TSNAXIP1: variants seen among roughly 807,000 people sequenced by gnomAD.
The protein encoded by TSNAXIP1 is translin associated factor X interacting protein 1, also known as translin-associated factor X-interacting protein 1.
In TSNAXIP1, 89 loss-of-function variants were observed where a neutral mutation model predicts 84.8. The ratio of observed to expected loss-of-function variants is 1.05; its 90% CI spans 0.88 to 1.25. The LOEUF is 1.25. TSNAXIP1 is among the 50% of genes most tolerant of loss of function. The pLI, the probability that TSNAXIP1 is intolerant of heterozygous loss-of-function variation, is 0.00. For synonymous variants in TSNAXIP1, 347 were observed against 335.2 expected (o/e 1.04, Z -0.39); for missense variants, 874 against 887.6 (o/e 0.98, Z 0.20).
chr16:67,809,664 C>T (rs1318295961), intron 1 of TSNAXIP1, among the ~76,000 whole-genome samples: 1 of 151,780 alleles, frequency 6.6e-6, no homozygotes, highest in African/African-American at 2.4e-5. Flanking sequence ...ATAATACAGG[C>T]CGGGAGCAGT....
intron 1 of TSNAXIP1, among the ~76,000 whole-genome samples, chr16:67,814,004 C>T (rs1050522910): frequency 6.6e-6 from 1 of 152,188 alleles, no homozygotes; most frequent in Non-Finnish European, 1.5e-5. Flanking sequence ...ACCACAGCCA[C>T]AGTTGAACAC....
chr16:67,814,191 C>A (rs1467548708), intron 1 of TSNAXIP1, 111 bp from the exon 2 acceptor site: 3 of 854,536 alleles, frequency 3.5e-6, no homozygotes, highest in Non-Finnish European at 5.5e-6. Flanking sequence ...GAGGCAGCAC[C>A]CAGAGCCTGG....
At chr16:67,822,835 G>A (rs987223431) in intron 4 of TSNAXIP1, among the ~76,000 whole-genome samples, 18 of 152,278 alleles carry the variant, frequency 1.2e-4, no homozygotes, top group African/African-American at 4.1e-4. Context: ...GGCTGACTCT[G>A]GAGACTGTGC....
chr16:67,826,256 C>T lies in TSNAXIP1; in HGVS notation c.1249C>T (p.Arg417Trp), dbSNP rs201653034. ...LLEEIGSGLL[R>W]EKDFFPGLGY... is the part of the protein sequence containing the mutation. ...GGAAGAGATTGGTTCGGGGCTGCTGCGGGAGAAAGACTTCTTCCCTGGTCT... is the reference window on the plus strand; with the variant it reads ...GGAAGAGATTGGTTCGGGGCTGCTGTGGGAGAAAGACTTCTTCCCTGGTCT... Residue 417 changes from arginine (R) to tryptophan (W), a missense_variant, in exon 10 of 16, where the codon CGG becomes TGG. Transcript: ENST00000561639. 72 of 1,581,920 alleles carry T rather than the reference C, an allele frequency of 4.6e-5. No homozygotes were observed. The highest frequency in any genetic ancestry group is 3.5e-4 in the African/African-American group (26 of 74,140).
At chr16:67,819,455 G>C (rs2056855729) in intron 2 of TSNAXIP1, among the ~76,000 whole-genome samples, 1 of 151,678 alleles carries the variant, frequency 6.6e-6, no homozygotes, top group Admixed American at 6.6e-5. Context: ...TGTTGGCCAG[G>C]CTGGTCTCAA....
chr16:67,812,571 C>T (rs1046701579), intron 1 of TSNAXIP1, among the ~76,000 whole-genome samples: 1 of 151,190 alleles, frequency 6.6e-6, no homozygotes, highest in Non-Finnish European at 1.5e-5. Flanking sequence ...GAGGCTGAGG[C>T]AAGAGAATTG....
At chr16:67,822,280 A>C (rs2057122108) in intron 4 of TSNAXIP1, among the ~76,000 whole-genome samples, 1 of 146,756 alleles carries the variant, frequency 6.8e-6, no homozygotes. Flanking sequence ...CTCCATCTCA[A>C]AAAAAAAAAA....
intron 2 of TSNAXIP1, among the ~76,000 whole-genome samples, chr16:67,815,966 ATTTTTT>A (rs59743468): frequency 1.6e-5 from 2 of 124,048 alleles, no homozygotes; most frequent in African/African-American, 6.8e-5. Flanking sequence ...TGCCCGGCTA[ATTTTTT>A]TTTTTTTTTT....
At chr16:67,815,035 G>A (rs1239579617) in intron 2 of TSNAXIP1, among the ~76,000 whole-genome samples, 3 of 151,046 alleles carry the variant, frequency 2.0e-5, no homozygotes, top group South Asian at 2.1e-4. Context: ...AAAAAAAAAA[G>A]AGCCGGGCGC....
intron 2 of TSNAXIP1, among the ~76,000 whole-genome samples, chr16:67,818,891 A>G (rs924710856): frequency 2.0e-5 from 3 of 151,828 alleles, no homozygotes; most frequent in Non-Finnish European, 4.4e-5. Context: ...TTTAGTAGAG[A>G]TGGGGTTTCA....
At chr16:67,810,296 T>G (rs2055934426) in intron 1 of TSNAXIP1, among the ~76,000 whole-genome samples, 1 of 152,096 alleles carries the variant, frequency 6.6e-6, no homozygotes, top group Non-Finnish European at 1.5e-5. Flanking sequence ...GATATAACCC[T>G]GACAAACCCA....
At chr16:67,820,761 T>G (rs1397806415) in intron 2 of TSNAXIP1, 78 bp from the exon 3 acceptor site, 9 of 1,104,452 alleles carry the variant, frequency 8.1e-6, no homozygotes, top group East Asian at 7.6e-5. Context: ...AAGTCAGGAC[T>G]GGGGGAGGAG....
At chr16:67,825,630 AC>A (rs2057378049) in intron 7 of TSNAXIP1, 36 bp from the exon 8 acceptor site, 2 of 1,584,016 alleles carry the variant, frequency 1.3e-6, no homozygotes, top group African/African-American at 2.7e-5. Context: ...TGAGAAAGCC[AC>A]GGTGACACGG....
At chr16:67,814,612 T>C (rs8051653) in intron 2 of TSNAXIP1, among the ~76,000 whole-genome samples, 20,818 of 152,002 alleles carry the variant, frequency 0.14, 2,921 homozygotes, top group African/African-American at 0.36. Context: ...GCCTGCTCCT[T>C]ATCTGAAAAG....
intron 2 of TSNAXIP1, among the ~76,000 whole-genome samples, chr16:67,818,730 G>GTC (rs1229826194): frequency 6.8e-6 from 1 of 147,854 alleles, no homozygotes; most frequent in Admixed American, 6.8e-5. Context: ...TTGAGACAGA[G>GTC]TCTCTCTCTG....
intron 2 of TSNAXIP1, among the ~76,000 whole-genome samples, chr16:67,818,441 C>T (rs929553932): frequency 4.6e-5 from 7 of 151,948 alleles, no homozygotes; most frequent in Admixed American, 1.3e-4. Flanking sequence ...CTCTTGAGCC[C>T]GGGAGTTTGT....
At chr16:67,817,679 G>A (rs900368926) in intron 2 of TSNAXIP1, among the ~76,000 whole-genome samples, 1 of 149,148 alleles carries the variant, frequency 6.7e-6, no homozygotes, top group African/African-American at 2.5e-5. Flanking sequence ...ATCACCTGAG[G>A]TCAGGGGTTC....
At chr16:67,813,687 G>A (rs1378962708) in intron 1 of TSNAXIP1, among the ~76,000 whole-genome samples, 5 of 131,728 alleles carry the variant, frequency 3.8e-5, no homozygotes, top group African/African-American at 5.9e-5. Flanking sequence ...AGCCAAGATC[G>A]CACCACTGCA....
At chr16:67,809,385 G>T (rs1217629534) in intron 1 of TSNAXIP1, among the ~76,000 whole-genome samples, 1 of 150,048 alleles carries the variant, frequency 6.7e-6, no homozygotes, top group Admixed American at 6.7e-5. Context: ...GGAGAACCCA[G>T]GAGGTGGAGG....
Sources: gnomAD v4.1 joint callset for allele counts (sites outside exome capture counted in the v4.1 genomes callset) on GRCh38, gnomAD v4.1.1 for gene constraint, MANE v1.5 for transcripts, NCBI Gene and HGNC (gene_info 2026-07-23, HGNC 2026-07-21) for gene names.